ABHD2: variants seen among roughly 807,000 people sequenced by gnomAD.
The protein encoded by ABHD2 is monoacylglycerol lipase ABHD2.
A neutral mutation model predicts 48.1 loss-of-function variants in ABHD2; 20 were observed. That is an observed-to-expected ratio of 0.42 (90% CI 0.29 to 0.60). The LOEUF (loss-of-function observed/expected upper bound fraction) is 0.60, where lower values mean the gene tolerates loss of function less well. ABHD2 is among the 20% of genes least tolerant of loss of function. The probability of loss-of-function intolerance (pLI) is 0.24; values close to 1 mark genes in which losing one functional copy is unlikely to be tolerated. For missense variants in ABHD2, 405 were observed against 550.9 expected (o/e 0.74, Z 2.65); for synonymous variants, 209 against 214.2 (o/e 0.98, Z 0.21).
chr15:89,148,489 G>A (rs1015097754), intron 3 of ABHD2, among the ~76,000 whole-genome samples: 10 of 152,196 alleles, frequency 6.6e-5, no homozygotes, highest in East Asian at 1.9e-4. Flanking sequence ...ACTTTCCTTC[G>A]TTATTGGTGG....
rs560793997 is a variant in ABHD2 at position 89,201,739 on chromosome 15, C to G, written c.*6316C>G. ...GTGAAGGGGCCTTTGAATTTGAGGT[C>G]TATGGGCGGGTCGAGGACCAGGATC... On this transcript the variant is annotated 3_prime_UTR_variant, in exon 11 of 11. Coordinates refer to ENST00000352732, the MANE Select transcript of ABHD2 (RefSeq NM_152924.5). The G allele has an allele frequency of 3.2e-6, 5 of 1,582,366 alleles. No individual in the cohort carries two copies. In the South Asian group the frequency reaches 5.5e-5, roughly 17 times the overall value.
chr15:89,135,263 T>C (rs1016800605), intron 3 of ABHD2, among the ~76,000 whole-genome samples: 2 of 151,812 alleles, frequency 1.3e-5, no homozygotes, highest in African/African-American at 4.8e-5. Flanking sequence ...ATAACTAATT[T>C]GTGCCATGCA....
chr15:89,114,217 C>A lies in ABHD2; in HGVS notation c.-7+393C>A, dbSNP rs918663213. Among the ~76,000 whole-genome samples the A allele has an allele frequency of 6.6e-6, 1 of 152,186 alleles. No homozygotes were observed. The highest frequency in any genetic ancestry group is 2.4e-5 in the African/African-American group (1 of 41,448). On this transcript the variant is annotated intron_variant, in intron 2 of 10. Coordinates refer to ENST00000352732, the MANE Select transcript of ABHD2 (RefSeq NM_152924.5). This position sits in a 1 kb window ranked among gnomAD's most constrained non-coding sequence, Gnocchi z 4.2. ...GCCACAGGTTAAACCTATTGGGCAT[C>A]TTAGTGCAGTGCTATGTACTTTTTT...
At chr15:89,080,022 T>A in the ABHD2 span, among the ~76,000 whole-genome samples, 1 of 152,298 alleles carries the variant, frequency 6.6e-6, no homozygotes, top group South Asian at 2.1e-4. Flanking sequence ...AAACTCCACC[T>A]CGGCCATGGC....
rs1038439054 is a variant in ABHD2 at position 89,146,402 on chromosome 15, G to T, written c.195-5275G>T. Among the ~76,000 whole-genome samples the T allele has an allele frequency of 7.0e-6, 1 of 142,678 alleles. No homozygotes were observed. 93.6% of individuals were successfully genotyped at this position (142,678 alleles called of 152,430 possible). On this transcript the variant is annotated intron_variant, in intron 3 of 10. Transcript: ENST00000352732. The surrounding 1 kb of genome is among the most constrained non-coding windows in gnomAD (Gnocchi z 4.2). ...TGTGTGTGTGTGTGTGTGTGTGTAC[G>T]TATGTATATGGGGGGTGGGAGGGAG...
intron 1 of ABHD2, among the ~76,000 whole-genome samples, chr15:89,110,337 A>G (rs2049853922): frequency 6.6e-6 from 1 of 151,828 alleles, no homozygotes; most frequent in African/African-American, 2.4e-5. Context: ...CTAGGATTAC[A>G]GGCGTGAGTC....
At chr15:89,108,836 A>T (rs2049828343) in intron 1 of ABHD2, among the ~76,000 whole-genome samples, 1 of 152,242 alleles carries the variant, frequency 6.6e-6, no homozygotes, top group African/African-American at 2.4e-5. Flanking sequence ...TAGGCTGGAA[A>T]ATGGCCGTTT....
chr15:89,053,911 C>A, the ABHD2 span, among the ~76,000 whole-genome samples: 1 of 152,190 alleles, frequency 6.6e-6, no homozygotes, highest in African/African-American at 2.4e-5. Context: ...CCGCATGGAG[C>A]CTTGAAATGA....
At position 89,182,716 on chromosome 15, in the gene ABHD2, C is replaced by T. The variant is rs537813194; in HGVS notation, c.723-2708C>T. 6.6e-6 allele frequency among the ~76,000 whole-genome samples: 1 copy of T among 152,230 alleles called. No individual in the cohort carries two copies. The highest frequency in any genetic ancestry group is 2.4e-5 in the African/African-American group (1 of 41,540). On this transcript the variant is annotated intron_variant, in intron 6 of 10. Coordinates refer to ENST00000352732, the MANE Select transcript of ABHD2 (RefSeq NM_152924.5). This position sits in a 1 kb window ranked among gnomAD's most constrained non-coding sequence, Gnocchi z 4.8. ...TCTGAAGCAGGAGAATCGCTTGAAC[C>T]CAGGAGGTGGAGGTTGCAGTGAGCT...
the ABHD2 span, chr15:89,041,180 A>T: frequency 1.3e-5 from 2 of 152,190 alleles, no homozygotes; most frequent in African/African-American, 4.8e-5. Context: ...CAGTGACGTG[A>T]GTGTGCCATT....
Position 89,104,300 on chromosome 15 carries a change from G to A in ABHD2, c.-106-9425G>A, listed in dbSNP as rs370805022. ...GTGACCTCAGCTTTGCCCAGCTGGGGTGAGTGGGCCGAGCAAGTCTCTCCT... is the reference window on the plus strand; with the variant it reads ...GTGACCTCAGCTTTGCCCAGCTGGGATGAGTGGGCCGAGCAAGTCTCTCCT... On this transcript the variant is annotated intron_variant, in intron 1 of 10. Coordinates refer to ENST00000352732, the MANE Select transcript of ABHD2 (RefSeq NM_152924.5). This position sits in a 1 kb window ranked among gnomAD's most constrained non-coding sequence, Gnocchi z 4.4. The A allele has an allele frequency of 6.6e-6, 1 of 152,246 alleles. No individual in the cohort carries two copies. Among genetic ancestry groups the A allele is most frequent in the Admixed American group, 6.5e-5 (1 of 15,284 alleles). The allele number at this position is 152,246 out of a possible 1,614,324, so 9.4% of individuals were successfully genotyped here. A position where few individuals can be genotyped will look rare whatever the true frequency, so the allele number is the denominator to read the frequency against.
At chr15:89,154,574 A>G (rs2050641478) in intron 4 of ABHD2, among the ~76,000 whole-genome samples, 1 of 152,188 alleles carries the variant, frequency 6.6e-6, no homozygotes, top group African/African-American at 2.4e-5. Flanking sequence ...TGATTCCAAG[A>G]TAGTGGATGC....
chr15:89,051,697 C>T, the ABHD2 span, among the ~76,000 whole-genome samples: 11 of 152,124 alleles, frequency 7.2e-5, no homozygotes, highest in African/African-American at 2.4e-4. Context: ...AGGAGAGTTC[C>T]CCTGCAGATG....
At position 89,175,365 on chromosome 15, in the gene ABHD2, C is replaced by T. The variant is rs542981971; in HGVS notation, c.539-447C>T. Among the ~76,000 whole-genome samples, 1 of 152,276 alleles carries T rather than the reference C, an allele frequency of 6.6e-6. No individual in the cohort carries two copies. Among genetic ancestry groups the T allele is most frequent in the South Asian group, 2.1e-4 (1 of 4,826 alleles). Reference sequence around the variant, plus strand: ...TCAGCCTCCTAAGTAGCGGGGACTACAAGGACACACCTGTAGTGTGTAGAG... The same window carrying T: ...TCAGCCTCCTAAGTAGCGGGGACTATAAGGACACACCTGTAGTGTGTAGAG... On this transcript the variant is annotated intron_variant, in intron 5 of 10. Transcript: ENST00000352732. The surrounding 1 kb of genome is among the most constrained non-coding windows in gnomAD (Gnocchi z 5.7).
Position 89,198,072 on chromosome 15 carries a change from C to T in ABHD2, c.*2649C>T, listed in dbSNP as rs1373638299. On this transcript the variant is annotated 3_prime_UTR_variant, in exon 11 of 11. Coordinates refer to ENST00000352732, the MANE Select transcript of ABHD2 (RefSeq NM_152924.5). The surrounding 1 kb of genome is among the most constrained non-coding windows in gnomAD (Gnocchi z 5.1). ...AGTTTATAGATAGGTCATCTTTTTT[C>T]CTTCCTCCAGGTGTCCTTGCCTTTC... 1.3e-5 allele frequency: 2 copies of T among 152,086 alleles called. No individual in the cohort carries two copies. The highest frequency in any genetic ancestry group is 2.4e-5 in the African/African-American group (1 of 41,428). The allele number at this position is 152,086 out of a possible 1,614,324, so 9.4% of individuals were successfully genotyped here.
At chr15:89,122,472 A>G (rs1442356418) in intron 3 of ABHD2, among the ~76,000 whole-genome samples, 1 of 152,228 alleles carries the variant, frequency 6.6e-6, no homozygotes, top group African/African-American at 2.4e-5. Flanking sequence ...CCCAGGAGAA[A>G]CAAACTGCAC....
rs1028694320 is a variant in ABHD2, at chr15:89,175,419, G to C, written c.539-393G>C. The stretch of plus-strand genomic sequence containing the variant: ...GGGTCTCACCATTTTGTCCAGGCTG[G>C]CCTAGCTTTTATTTAGGTCTGTGTG... On this transcript the variant is annotated intron_variant, in intron 5 of 10. Transcript: ENST00000352732. The surrounding 1 kb of genome is among the most constrained non-coding windows in gnomAD (Gnocchi z 5.7). 6.6e-6 allele frequency among the ~76,000 whole-genome samples: 1 copy of C among 152,112 alleles called. No homozygotes were observed. The highest frequency in any genetic ancestry group is 1.5e-5 in the Non-Finnish European group (1 of 68,022).
chr15:89,053,257 T>C, the ABHD2 span, among the ~76,000 whole-genome samples: 3 of 152,112 alleles, frequency 2.0e-5, no homozygotes, highest in Admixed American at 2.0e-4. Context: ...TGAGCCACCG[T>C]ACCCGGCCTG....
intron 3 of ABHD2, among the ~76,000 whole-genome samples, chr15:89,124,165 A>G (rs1283163710): frequency 6.6e-6 from 1 of 152,244 alleles, no homozygotes; most frequent in African/African-American, 2.4e-5. Flanking sequence ...GCACTCATTC[A>G]AATCTCTCTG....
Sources: gnomAD v4.1 joint callset for allele counts (sites outside exome capture counted in the v4.1 genomes callset) on GRCh38, gnomAD v4.1.1 for gene constraint, Gnocchi (gnomAD v3.1) non-coding constraint, MANE v1.5 for transcripts, NCBI Gene and HGNC (gene_info 2026-07-23, HGNC 2026-07-21) for gene names.